The following WDR36 variants were observed in gnomAD, a reference collection of about 807,000 sequenced individuals.
WDR36 encodes WD repeat-containing protein 36.
A neutral mutation model predicts 112.7 loss-of-function variants in WDR36; 63 were observed. That is an observed-to-expected ratio of 0.56 (90% CI 0.46 to 0.69). The LOEUF (loss-of-function observed/expected upper bound fraction) is 0.69, where lower values mean the gene tolerates loss of function less well. WDR36 is among the 30% of genes least tolerant of loss of function. WDR36 has a pLI of 0.00. For missense variants in WDR36, 1,226 were observed against 1,070.3 expected, an observed-to-expected ratio of 1.15 and a Z score of -2.03; for synonymous variants, 410 against 362.2, an observed-to-expected ratio of 1.13 and a Z score of -1.50.
chr5:111,112,364 C>T (rs1426574571), intron 15 of WDR36, among the ~76,000 whole-genome samples: 2 of 151,906 alleles, frequency 1.3e-5, no homozygotes, highest in Non-Finnish European at 2.9e-5. Flanking sequence ...GTAAATTGAT[C>T]TATCTATAAC....
chr5:111,104,824 T>A lies in WDR36; in HGVS notation c.1027+7T>A. The A allele has an allele frequency of 1.2e-6, 2 of 1,610,634 alleles. No individual in the cohort carries two copies. Among genetic ancestry groups the A allele is most frequent in the South Asian group, 2.2e-5 (2 of 91,048 alleles). On this transcript the variant is annotated splice_region_variant and intron_variant, in intron 9 of 22. Transcript: ENST00000513710. ...CAGCAGATTCTAAGTGCAAGTGAGC[T>A]TCTGCTTCATACTATTAGTTTATTT... is the stretch of plus-strand genomic sequence containing the variant.
In WDR36 at chr5:111,092,407, C is replaced by G; in HGVS notation, c.-50C>G. On this transcript the variant is annotated 5_prime_UTR_variant, in exon 1 of 23. Coordinates refer to ENST00000513710, the MANE Select transcript of WDR36 (RefSeq NM_139281.3). Reference sequence around the variant, plus strand: ...CTAGACACGCTGAAGGGACTGGGTACGTGTTTTCCTTCAGGACCAGAGCTG... The same window carrying G: ...CTAGACACGCTGAAGGGACTGGGTAGGTGTTTTCCTTCAGGACCAGAGCTG... The G allele has an allele frequency of 1.2e-6, 2 of 1,614,228 alleles. No homozygotes were observed. The highest frequency in any genetic ancestry group is 1.7e-6 in the Non-Finnish European group (2 of 1,180,046).
chr5:111,121,044 A>G lies in WDR36; in HGVS notation c.2051A>G (p.Glu684Gly), dbSNP rs886523930. Residue 684 changes from glutamate to glycine, a missense_variant, in exon 19 of 23, where the codon GAA (glutamate) becomes GGA (glycine). Physicochemically the swap from Glu to Gly is moderately conservative, Grantham distance 98. Transcript: ENST00000513710. ...GTAGAACCAAGTGATGAATTGATAG[A>G]ATATGATTCGCCAGAACAGTTGAAT... ...ETVEPSDELI[E>G]YDSPEQLNEQ... 8.7e-6 allele frequency: 14 copies of G among 1,613,592 alleles called. No homozygotes were observed. Among genetic ancestry groups the G allele is most frequent in the African/African-American group, 8.0e-5 (6 of 75,018 alleles).
At chr5:111,098,416 G>T (rs1753038927) in intron 3 of WDR36, among the ~76,000 whole-genome samples, 1 of 152,178 alleles carries the variant, frequency 6.6e-6, no homozygotes, top group Non-Finnish European at 1.5e-5. Context: ...ATTGAATTGG[G>T]TGAGGGAACT....
At position 111,127,938 on chromosome 5, in the gene WDR36, T is replaced by TTG. The variant is rs1753708175; in HGVS notation, c.*1056_*1057insGT. The TTG allele has an allele frequency of 9.8e-6, 2 of 204,434 alleles. No individual in the cohort carries two copies. Among genetic ancestry groups the TTG allele is most frequent in the African/African-American group, 4.6e-5 (2 of 43,284 alleles). 12.7% of individuals were successfully genotyped at this position (204,434 alleles called of 1,614,324 possible). ...GTTTTGTTTTGTTTTTTTTTTTTTT[T>TTG]TTTTGGCTACACTTTTTTGGGGGGG... On this transcript the variant is annotated 3_prime_UTR_variant, in exon 23 of 23. Coordinates refer to ENST00000513710, the MANE Select transcript of WDR36 (RefSeq NM_139281.3).
intron 15 of WDR36, among the ~76,000 whole-genome samples, 197 bp from the exon 16 acceptor site, chr5:111,112,877 A>G (rs1753369796): frequency 6.6e-6 from 1 of 150,960 alleles, no homozygotes; most frequent in Non-Finnish European, 1.5e-5. Context: ...AGGAAGTGGT[A>G]TTTTCTTTTA....
At chr5:111,118,529 T>C (rs561551165) in intron 16 of WDR36, among the ~76,000 whole-genome samples, 103 of 152,318 alleles carry the variant, frequency 6.8e-4, no homozygotes, top group Non-Finnish European at 1.3e-3. Context: ...GAAAAATAGG[T>C]ACAGTTGCTC....
chr5:111,110,357 A>G (rs1254734057), intron 13 of WDR36, 54 bp downstream of exon 13: 8 of 1,389,360 alleles, frequency 5.8e-6, no homozygotes, highest in Middle Eastern at 3.6e-4. Context: ...CAAAACTAGT[A>G]GTGAAAGCTG....
rs11543939 is a variant in WDR36, at chr5:111,092,557, G to T, written c.101G>T (p.Ser34Ile). The change falls in exon 1 of 23, where the codon AGC becomes ATC. Residue 34 changes from serine to isoleucine, a missense_variant. Physicochemically the swap from Ser to Ile is moderately radical, Grantham distance 142 (BLOSUM62 -2). Coordinates refer to ENST00000513710, the MANE Select transcript of WDR36 (RefSeq NM_139281.3). ...SNDIPHVVRF[S>I]ALKRRFYVTT... is the part of the protein sequence containing the mutation. ...GACATTCCACACGTGGTGCGGTTCA[G>T]CGCGCTCAAGCGCCGGTTCTATGTA... is the stretch of plus-strand genomic sequence containing the variant. 1.9e-6 allele frequency: 3 copies of T among 1,614,074 alleles called. No individual in the cohort carries two copies. Among genetic ancestry groups the T allele is most frequent in the Admixed American group, 1.7e-5 (1 of 60,006 alleles).
Position 111,123,238 on chromosome 5 carries a change from G to A in WDR36, c.2149-567G>A, listed in dbSNP as rs937572554. On this transcript the variant is annotated intron_variant, in intron 19 of 22. Coordinates refer to ENST00000513710, the MANE Select transcript of WDR36 (RefSeq NM_139281.3). ...TAGCATTTGAAATACTTATAAACCA[G>A]CAATCATGTTTTCTTGAATTTTAAA... Among the ~76,000 whole-genome samples, 9 of 152,044 alleles carry A rather than the reference G, an allele frequency of 5.9e-5. No homozygotes were observed. In the East Asian group the frequency reaches 1.2e-3, roughly 20 times the overall value.
chr5:111,107,339 A>G lies in WDR36; in HGVS notation c.1226A>G (p.Gln409Arg), dbSNP rs763927512. ...SDWDGIIACHQGKLSCSTWNY... is the reference protein window; with the variant it reads ...SDWDGIIACHRGKLSCSTWNY... ...TGGGATGGTATCATTGCTTGCCATC[A>G]AGGTAAGCTATCTTGCTCAACCTGG... Residue 409 changes from glutamine to arginine, a missense_variant, in exon 12 of 23, where the codon CAA becomes CGA. Coordinates refer to ENST00000513710, the MANE Select transcript of WDR36 (RefSeq NM_139281.3). 10 of 1,610,474 alleles carry G rather than the reference A, an allele frequency of 6.2e-6. No homozygotes were observed. Among genetic ancestry groups the G allele is most frequent in the Non-Finnish European group, 7.6e-6 (9 of 1,177,728 alleles).
rs762892609 is a variant in WDR36, at chr5:111,113,113, A to G, written c.1756A>G (p.Met586Val). Residue 586 changes from methionine (M) to valine (V), a missense_variant, in exon 16 of 23, where the codon ATG becomes GTG. Coordinates refer to ENST00000513710, the MANE Select transcript of WDR36 (RefSeq NM_139281.3). ...PDGRWLISAA[M>V]DCSIRTWDLP... is the part of the protein sequence containing the mutation. ...TGGTCGTTGGTTAATAAGTGCTGCGATGGATTGCTCTATTAGGACTTGGGA... is the reference window on the plus strand; with the variant it reads ...TGGTCGTTGGTTAATAAGTGCTGCGGTGGATTGCTCTATTAGGACTTGGGA... The G allele has an allele frequency of 2.3e-5, 36 of 1,581,120 alleles. No homozygotes were observed. The highest frequency in any genetic ancestry group is 1.7e-5 in the Admixed American group (1 of 58,526).
At position 111,110,299 on chromosome 5, in the gene WDR36, T is replaced by C. The variant is rs1428760528; in HGVS notation, c.1437T>C (p.Asp479=). The C allele has an allele frequency of 6.2e-7, 1 of 1,609,054 alleles. No homozygotes were observed. Residue 479 remains aspartate, a synonymous_variant, in exon 13 of 23, where the codon GAT becomes GAC. Coordinates refer to ENST00000513710, the MANE Select transcript of WDR36 (RefSeq NM_139281.3). The stretch of plus-strand genomic sequence containing the variant: ...TACATCGAGGAAGTTTTGGCAAGGA[T>C]CAAGGTAGAGAATTTTTTTCCTTGT... ...SGIHRGSFGK[D]QAHKGSVRGV...
At chr5:111,104,051 T>G in intron 7 of WDR36, 126 bp from the exon 8 acceptor site, 1 of 1,387,840 alleles carries the variant, frequency 7.2e-7, no homozygotes, top group Non-Finnish European at 9.9e-7. Context: ...GGCAAAGAAA[T>G]ATGAATAGAT....
intron 16 of WDR36, among the ~76,000 whole-genome samples, chr5:111,116,617 CTTTTTTAAGA>C (rs1297788078): frequency 1.3e-5 from 2 of 151,882 alleles, no homozygotes; most frequent in Non-Finnish European, 2.9e-5. Flanking sequence ...TTGGGACTTA[CTTTTTTAAGA>C]TTACCATGAA....
At chr5:111,100,799 A>C (rs1323471070) in intron 5 of WDR36, 78 bp downstream of exon 5, 39 of 1,409,466 alleles carry the variant, frequency 2.8e-5, no homozygotes, top group Non-Finnish European at 3.5e-5. Flanking sequence ...CTTAAGTCTC[A>C]TTTCTCCCTG....
Position 111,128,981 on chromosome 5 carries a change from A to G in WDR36, c.*2098A>G. ...ATGAGTGTTTAATGTAGGAATGTGTATATATTATCTACAGCCACAGGAAAT... is the reference window on the plus strand; with the variant it reads ...ATGAGTGTTTAATGTAGGAATGTGTGTATATTATCTACAGCCACAGGAAAT... On this transcript the variant is annotated 3_prime_UTR_variant, in exon 23 of 23. Transcript: ENST00000513710. 1 of 193,538 alleles carries G rather than the reference A, an allele frequency of 5.2e-6. No individual in the cohort carries two copies. The highest frequency in any genetic ancestry group is 1.1e-5 in the Non-Finnish European group (1 of 92,758). 12.0% of individuals were successfully genotyped at this position (193,538 alleles called of 1,614,324 possible).
intron 5 of WDR36, among the ~76,000 whole-genome samples, chr5:111,101,968 A>G (rs1753129320): frequency 6.6e-6 from 1 of 151,826 alleles, no homozygotes; most frequent in Non-Finnish European, 1.5e-5. Flanking sequence ...TATAACAGTC[A>G]TATAACATGC....
chr5:111,103,843 A>C lies in WDR36; in HGVS notation c.655A>C (p.Asn219His). The change falls in exon 7 of 23, where the codon AAC (asparagine) becomes CAC (histidine). Residue 219 changes from asparagine to histidine, a missense_variant. Physicochemically the swap from Asn to His is moderately conservative, Grantham distance 68. Transcript: ENST00000513710. The stretch of plus-strand genomic sequence containing the variant: ...TATGTCAGGTCAAGTTATCATTCAC[A>C]ACATTAAATTTAATGAAACATTAAT... ...GLMSGQVIIH[N>H]IKFNETLMKF... is the part of the protein sequence containing the mutation. 5 of 1,611,484 alleles carry C rather than the reference A, an allele frequency of 3.1e-6. No homozygotes were observed. The highest frequency in any genetic ancestry group is 4.2e-6 in the Non-Finnish European group (5 of 1,178,298).
Sources: gnomAD v4.1 joint callset for allele counts (sites outside exome capture counted in the v4.1 genomes callset) on GRCh38, gnomAD v4.1.1 for gene constraint, MANE v1.5 for transcripts, NCBI Gene and HGNC (gene_info 2026-07-23, HGNC 2026-07-21) for gene names.